The following PCDHA1 variants were observed in gnomAD, a reference collection of about 807,000 sequenced individuals.
PCDHA1 encodes protocadherin alpha 1.
A neutral mutation model predicts 61.3 loss-of-function variants in PCDHA1; 42 were observed. That is an observed-to-expected ratio of 0.69 (90% CI 0.54 to 0.89). The LOEUF (loss-of-function observed/expected upper bound fraction) is 0.89. Ranked by LOEUF, PCDHA1 falls within the 40% of genes least tolerant of loss-of-function variation. The pLI, the probability that PCDHA1 is intolerant of heterozygous loss-of-function variation, is 0.00. For synonymous variants in PCDHA1, 610 were observed against 553.8 expected, an observed-to-expected ratio of 1.10 and a Z score of -1.43; for missense variants, 1,256 against 1,235.3, an observed-to-expected ratio of 1.02 and a Z score of -0.25.
chr5:140,877,563 C>G (rs2057203422), intron 1 of PCDHA1: 2 of 1,613,774 alleles, frequency 1.2e-6, no homozygotes, highest in African/African-American at 1.3e-5. Context: ...TGGATATTAA[C>G]GTGTACCTCA....
chr5:140,792,586 C>A (rs1319811905), intron 1 of PCDHA1, among the ~76,000 whole-genome samples: 1 of 152,146 alleles, frequency 6.6e-6, no homozygotes, highest in Non-Finnish European at 1.5e-5. Flanking sequence ...ATTCCATATT[C>A]TCAGAAATCC....
intron 1 of PCDHA1, chr5:140,824,336 G>A (rs1288590631): frequency 3.2e-6 from 2 of 628,210 alleles, no homozygotes; most frequent in African/African-American, 1.9e-5. Flanking sequence ...GATATTAAGT[G>A]TTTTTAAAAT....
intron 1 of PCDHA1, chr5:140,835,471 C>A (rs1453069564): frequency 1.2e-6 from 2 of 1,613,816 alleles, no homozygotes; most frequent in Admixed American, 1.7e-5. Context: ...CCAGAGGACG[C>A]CCAACCAGGT....
intron 1 of PCDHA1, chr5:140,804,329 T>C (rs2149977825): frequency 6.6e-6 from 1 of 152,212 alleles, no homozygotes; most frequent in South Asian, 2.1e-4. Context: ...ACTTTAATAA[T>C]ACTACTGTAT....
rs2150163807 is a variant in PCDHA1, at chr5:140,829,203, T to G, written c.2394+40519T>G. 22 of 1,614,238 alleles carry G rather than the reference T, an allele frequency of 1.4e-5. No homozygotes were observed. In the South Asian group the frequency reaches 1.5e-4, roughly 11 times the overall value. On this transcript the variant is annotated intron_variant, in intron 1 of 3. Coordinates refer to ENST00000504120, the MANE Select transcript of PCDHA1 (RefSeq NM_018900.4). ...GCTCAATTTGGTACTGTCATCGCCCTAATTAGCGTGAACGACCTCGATTCA... is the reference window on the plus strand; with the variant it reads ...GCTCAATTTGGTACTGTCATCGCCCGAATTAGCGTGAACGACCTCGATTCA...
chr5:141,008,800 A>G (rs949324548), intron 3 of PCDHA1, among the ~76,000 whole-genome samples: 8 of 152,222 alleles, frequency 5.3e-5, no homozygotes, highest in Non-Finnish European at 1.2e-4. Flanking sequence ...TTATCTAAAC[A>G]AATAGGCTCA....
intron 3 of PCDHA1, among the ~76,000 whole-genome samples, chr5:140,997,851 C>T (rs1400770612): frequency 6.6e-6 from 1 of 152,122 alleles, no homozygotes. Flanking sequence ...CATTCTTATA[C>T]ATATTTCTTA....
rs17119216 is a variant in PCDHA1, at chr5:140,792,879, A to G, written c.2394+4195A>G. Among the ~76,000 whole-genome samples the G allele has an allele frequency of 9.5e-3, 1,445 of 152,354 alleles. 12 individuals are homozygous for G. The highest frequency in any genetic ancestry group is 0.015 in the Non-Finnish European group (1,043 of 68,020). On this transcript the variant is annotated intron_variant, in intron 1 of 3. Coordinates refer to ENST00000504120, the MANE Select transcript of PCDHA1 (RefSeq NM_018900.4). ...GCTATCTGCCATCTGTTTAAGCTCCAGGAGAATTTGGGTACATGCCATGAC... is the reference window on the plus strand; with the variant it reads ...GCTATCTGCCATCTGTTTAAGCTCCGGGAGAATTTGGGTACATGCCATGAC...
rs138197407 is a variant in PCDHA1, at chr5:140,857,304, C to T, written c.2394+68620C>T. On this transcript the variant is annotated intron_variant, in intron 1 of 3. Coordinates refer to ENST00000504120, the MANE Select transcript of PCDHA1 (RefSeq NM_018900.4). The stretch of plus-strand genomic sequence containing the variant: ...GCTCTGGACCGCGAGAGGGTGTCGG[C>T]CTATGAGCTGGTGGTGACCGCGCGG... 1.9e-5 allele frequency: 30 copies of T among 1,598,646 alleles called. No homozygotes were observed. In the African/African-American group the frequency reaches 3.6e-4, roughly 19 times the overall value.
At chr5:140,823,122 C>A in intron 1 of PCDHA1, 1 of 1,614,050 alleles carries the variant, frequency 6.2e-7, no homozygotes, top group Non-Finnish European at 8.5e-7. Context: ...ACGTGAACGA[C>A]AACGCTCCGG....
At chr5:140,842,144 G>A (rs2150330322) in intron 1 of PCDHA1, 1 of 1,613,850 alleles carries the variant, frequency 6.2e-7, no homozygotes, top group African/African-American at 1.3e-5. Flanking sequence ...AGGAGCCAAT[G>A]GGGCAATTTC....
Position 140,843,481 on chromosome 5 carries a change from G to A in PCDHA1, c.2394+54797G>A, listed in dbSNP as rs1554140132. ...TGCTCACGCTGCTGCTGTACACTGCGCTGCGGTGCTCAGCACTGCCCACTG... is the reference window on the plus strand; with the variant it reads ...TGCTCACGCTGCTGCTGTACACTGCACTGCGGTGCTCAGCACTGCCCACTG... On this transcript the variant is annotated intron_variant, in intron 1 of 3. Transcript: ENST00000504120. 3.1e-6 allele frequency: 5 copies of A among 1,595,902 alleles called. 1 individual carries two copies. The Admixed American group carries it at 8.4e-5, about 27-fold the overall frequency.
rs1462197146 is a variant in PCDHA1, at chr5:140,786,909, G to A, written c.619G>A (p.Glu207Lys). ...ATATTTGGATAGAGAAGAAACACCA[G>A]AACTTCACTTATTACTGACTGCCAC... ...RKYLDREETP[E>K]LHLLLTATDG... The change falls in exon 1 of 4, where the codon GAA becomes AAA. Residue 207 changes from glutamate (E) to lysine (K), a missense_variant. Coordinates refer to ENST00000504120, the MANE Select transcript of PCDHA1 (RefSeq NM_018900.4). 1 of 1,614,046 alleles carries A rather than the reference G, an allele frequency of 6.2e-7. No homozygotes were observed. The highest frequency in any genetic ancestry group is 8.5e-7 in the Non-Finnish European group (1 of 1,180,046).
At chr5:140,863,181 C>T (rs782813569) in intron 1 of PCDHA1, 5 of 753,966 alleles carry the variant, frequency 6.6e-6, no homozygotes, top group Non-Finnish European at 1.1e-5. Flanking sequence ...CTGCCACCGT[C>T]ACCGTGGTGG....
chr5:140,882,307 A>G (rs2153383804), intron 1 of PCDHA1: 1 of 1,613,900 alleles, frequency 6.2e-7, no homozygotes, highest in South Asian at 1.1e-5. Context: ...GACCGCGGCA[A>G]CTACTGCTCT....
intron 1 of PCDHA1, among the ~76,000 whole-genome samples, chr5:140,872,046 C>T (rs1554166008): frequency 6.6e-6 from 1 of 152,230 alleles, no homozygotes; most frequent in Non-Finnish European, 1.5e-5. Context: ...AGAATTCTCC[C>T]ACTTCAGCCT....
intron 1 of PCDHA1, chr5:140,869,884 G>C: frequency 1.9e-6 from 3 of 1,610,396 alleles, no homozygotes; most frequent in Non-Finnish European, 2.5e-6. Context: ...AGAAACTCTT[G>C]TGCTCAAACT....
intron 1 of PCDHA1, chr5:140,823,513 G>T: frequency 6.2e-7 from 1 of 1,613,474 alleles, no homozygotes; most frequent in Non-Finnish European, 8.5e-7. Context: ...GAGCGAGCTG[G>T]TGCCGAGGTC....
intron 1 of PCDHA1, among the ~76,000 whole-genome samples, chr5:140,913,380 T>C (rs1436602497): frequency 6.6e-6 from 1 of 152,226 alleles, no homozygotes; most frequent in Non-Finnish European, 1.5e-5. Context: ...ATATAGTGGC[T>C]CATCATAGCC....
Sources: gnomAD v4.1 joint callset for allele counts (sites outside exome capture counted in the v4.1 genomes callset) on GRCh38, gnomAD v4.1.1 for gene constraint, MANE v1.5 for transcripts, NCBI Gene and HGNC (gene_info 2026-07-23, HGNC 2026-07-21) for gene names.